Variants in MDGA2 observed in about 807,000 individuals in gnomAD.
The protein encoded by MDGA2 is MAM domain containing glycosylphosphatidylinositol anchor 2, also known as MAM domain-containing glycosylphosphatidylinositol anchor protein 2.
Under a neutral mutation model 117.8 loss-of-function variants are expected in MDGA2, and 40 were observed. The observed-to-expected ratio is 0.34, with a 90% CI of 0.26 to 0.44. MDGA2 has a LOEUF of 0.44. Among genes scored for constraint, MDGA2 ranks in the 20% least tolerant of loss-of-function variants. The probability of loss-of-function intolerance (pLI) is 1.00; values close to 1 mark genes in which losing one functional copy is unlikely to be tolerated. For synonymous variants in MDGA2, 452 were observed against 439.0 expected (o/e 1.03, Z -0.37); for missense variants, 1,123 against 1,250.6 (o/e 0.90, Z 1.54).
chr14:47,343,719 T>G (rs1196323604), intron 1 of MDGA2, among the ~76,000 whole-genome samples: 1 of 152,228 alleles, frequency 6.6e-6, no homozygotes, highest in Non-Finnish European at 1.5e-5. Flanking sequence ...AATTTCATAT[T>G]GCTCTGTTAA....
intron 1 of MDGA2, among the ~76,000 whole-genome samples, chr14:47,446,234 T>A (rs543465408): frequency 6.6e-6 from 1 of 152,274 alleles, no homozygotes; most frequent in African/African-American, 2.4e-5. Flanking sequence ...ATCTTGGGAA[T>A]TTTGTCTTCT....
At chr14:46,922,127 G>T (rs1052359355) in intron 9 of MDGA2, among the ~76,000 whole-genome samples, 1 of 152,018 alleles carries the variant, frequency 6.6e-6, no homozygotes, top group South Asian at 2.1e-4. Context: ...GAATTTTTAG[G>T]AGTTGAAATA....
intron 1 of MDGA2, among the ~76,000 whole-genome samples, chr14:47,388,069 C>G (rs574148026): frequency 2.6e-5 from 4 of 152,248 alleles, no homozygotes; most frequent in Non-Finnish European, 5.9e-5. Flanking sequence ...TCCATATTTT[C>G]CTTTCTATCT....
At chr14:47,538,944 G>C (rs139586214) in intron 1 of MDGA2, among the ~76,000 whole-genome samples, 346 of 152,292 alleles carry the variant, frequency 2.3e-3, no homozygotes, top group African/African-American at 7.9e-3. Flanking sequence ...GGGTAAGTGG[G>C]AGACCTCCCC....
At chr14:47,399,495 G>C (rs1892087175) in intron 1 of MDGA2, among the ~76,000 whole-genome samples, 1 of 152,138 alleles carries the variant, frequency 6.6e-6, no homozygotes, top group South Asian at 2.1e-4. Context: ...CTTAGAAGAA[G>C]ATTTATTTCA....
At chr14:46,976,896 T>G (rs1886482077) in intron 8 of MDGA2, among the ~76,000 whole-genome samples, 1 of 151,988 alleles carries the variant, frequency 6.6e-6, no homozygotes, top group African/African-American at 2.4e-5. Flanking sequence ...GAGTAGATAA[T>G]TGCAGATTAA....
intron 1 of MDGA2, among the ~76,000 whole-genome samples, chr14:47,562,640 A>T (rs189375674): frequency 1.3e-5 from 2 of 152,042 alleles, no homozygotes; most frequent in Non-Finnish European, 2.9e-5. Flanking sequence ...TTATTGGTCT[A>T]GCTAGTGTTC....
chr14:47,082,346 A>C (rs1279611278), intron 6 of MDGA2, among the ~76,000 whole-genome samples: 9 of 150,044 alleles, frequency 6.0e-5, no homozygotes, highest in Admixed American at 6.0e-4. Context: ...AAAAAAAAAA[A>C]ATGAGCTTCA....
chr14:47,135,575 G>A, intron 4 of MDGA2, among the ~76,000 whole-genome samples: 1 of 152,034 alleles, frequency 6.6e-6, no homozygotes, highest in East Asian at 1.9e-4. Context: ...GATCTCTTAA[G>A]ATAATCTATG....
intron 8 of MDGA2, among the ~76,000 whole-genome samples, chr14:46,967,036 A>AT (rs967372062): frequency 8.6e-5 from 12 of 140,294 alleles, no homozygotes; most frequent in African/African-American, 2.8e-4. Flanking sequence ...AAGCAAAGCA[A>AT]TTTTTTTAAT....
chr14:47,602,928 C>T (rs955381323), intron 1 of MDGA2, among the ~76,000 whole-genome samples: 2 of 152,056 alleles, frequency 1.3e-5, no homozygotes, highest in East Asian at 1.9e-4. Flanking sequence ...GTACTTGGTA[C>T]GTCTGAATGG....
chr14:46,870,282 G>T (rs950108002), intron 14 of MDGA2, among the ~76,000 whole-genome samples: 2 of 151,862 alleles, frequency 1.3e-5, no homozygotes, highest in African/African-American at 4.8e-5. Context: ...AAAAGTTCAA[G>T]ATTTATTTAC....
At chr14:47,392,379 T>G (rs2138440656) in intron 1 of MDGA2, among the ~76,000 whole-genome samples, 1 of 152,264 alleles carries the variant, frequency 6.6e-6, no homozygotes. Context: ...TGATGTCTCA[T>G]GACTCACATA....
rs775481961 is a variant in MDGA2, at chr14:46,855,198, C to G, written c.2753-44G>C. 2 of 1,555,344 alleles carry G rather than the reference C, an allele frequency of 1.3e-6. No individual in the cohort carries two copies. The highest frequency in any genetic ancestry group is 1.9e-5 in the Admixed American group (1 of 52,816). On this transcript the variant is annotated intron_variant, in intron 14 of 16. Coordinates refer to ENST00000399232, the MANE Select transcript of MDGA2 (RefSeq NM_001113498.3). This position sits in a 1 kb window ranked among gnomAD's most constrained non-coding sequence, Gnocchi z 4.1. Reference sequence around the variant, plus strand: ...TTTTATTTTGCATATTCATTTTCACCTCAAATTTGTTTTTCCTTGACCAAA... The same window carrying G: ...TTTTATTTTGCATATTCATTTTCACGTCAAATTTGTTTTTCCTTGACCAAA...
chr14:47,463,785 A>G (rs747885173), intron 1 of MDGA2, among the ~76,000 whole-genome samples: 46 of 152,208 alleles, frequency 3.0e-4, no homozygotes, highest in Non-Finnish European at 5.7e-4. Flanking sequence ...TCATTTAATC[A>G]TCATATTTTT....
At chr14:47,131,308 T>C (rs922025038) in intron 5 of MDGA2, among the ~76,000 whole-genome samples, 1 of 152,138 alleles carries the variant, frequency 6.6e-6, no homozygotes, top group Non-Finnish European at 1.5e-5. Context: ...ACCTATTAGT[T>C]TTCTTGACTT....
At chr14:47,410,439 T>G (rs765993276) in intron 1 of MDGA2, among the ~76,000 whole-genome samples, 4 of 151,852 alleles carry the variant, frequency 2.6e-5, no homozygotes, top group Non-Finnish European at 5.9e-5. Flanking sequence ...AGTTTTCTTT[T>G]TGTTTTTTTG....
chr14:47,317,026 C>A (rs1889829280), intron 1 of MDGA2, among the ~76,000 whole-genome samples: 1 of 152,050 alleles, frequency 6.6e-6, no homozygotes, highest in Non-Finnish European at 1.5e-5. Flanking sequence ...TATTAGCTAC[C>A]AGTACCTTAA....
At chr14:47,172,089 G>T (rs1012328140) in intron 3 of MDGA2, among the ~76,000 whole-genome samples, 1 of 152,130 alleles carries the variant, frequency 6.6e-6, no homozygotes, top group Non-Finnish European at 1.5e-5. Flanking sequence ...CAGCAAGGCT[G>T]GGGGAGGGGC....
Sources: allele counts gnomAD v4.1 joint callset (sites outside exome capture counted in the v4.1 genomes callset), GRCh38; gene constraint gnomAD v4.1.1; non-coding constraint Gnocchi (gnomAD v3.1); transcripts MANE v1.5; gene names NCBI Gene and HGNC (gene_info 2026-07-23, HGNC 2026-07-21).